The following BAIAP3 variants were observed in gnomAD, a reference collection of about 807,000 sequenced individuals.
The protein encoded by BAIAP3 is BAI1 associated protein 3, also known as BAI1-associated protein 3.
In BAIAP3, 180 loss-of-function variants were observed where a neutral mutation model predicts 149.7. The ratio of observed to expected loss-of-function variants is 1.20; its 90% confidence interval spans 1.07 to 1.36. The LOEUF is 1.36. Among genes scored for constraint, BAIAP3 ranks in the 40% most tolerant of loss-of-function variants. BAIAP3 has a pLI of 0.00. For missense variants in BAIAP3, 1,767 were observed against 1,563.4 expected (o/e 1.13, Z -2.20); for synonymous variants, 845 against 670.7 (o/e 1.26, Z -4.02).
chr16:1,348,649 G>A lies in BAIAP3; in HGVS notation c.*167G>A. 1 of 690,718 alleles carries A rather than the reference G, an allele frequency of 1.4e-6. No individual in the cohort carries two copies. Among genetic ancestry groups the A allele is most frequent in the Admixed American group, 2.5e-5 (1 of 39,288 alleles). The allele number at this position is 690,718 out of a possible 1,614,324, so 42.8% of individuals were successfully genotyped here. On this transcript the variant is annotated 3_prime_UTR_variant, in exon 34 of 34. Transcript: ENST00000426824. ...GGCGCCTACCGCCCTGGCCGTGTCTGTCTGGTGTGTGCTGTGAACCCCTGC... is the reference window on the plus strand; with the variant it reads ...GGCGCCTACCGCCCTGGCCGTGTCTATCTGGTGTGTGCTGTGAACCCCTGC...
rs149313988 is a variant in BAIAP3 at position 1,342,953 on chromosome 16, C to T, written c.1202C>T (p.Ala401Val). Residue 401 changes from alanine to valine, a missense_variant, in exon 14 of 34, where the codon GCC becomes GTC. By Grantham distance (64) the Ala-to-Val change is moderately conservative (BLOSUM62 0). Coordinates refer to ENST00000426824, the MANE Select transcript of BAIAP3 (RefSeq NM_001199097.2). ...SSWRGELSTP[A>V]ATILCLHGAQ... The stretch of plus-strand genomic sequence containing the variant: ...TGGCGAGGAGAGCTCAGCACACCAG[C>T]CGCCACCATCCTCTGCCTGCACGGA... 5.0e-6 allele frequency: 8 copies of T among 1,612,002 alleles called. No individual in the cohort carries two copies. In the African/African-American group the frequency reaches 9.3e-5, roughly 19 times the overall value.
intron 1 of BAIAP3, among the ~76,000 whole-genome samples, chr16:1,334,273 G>T (rs564042412): frequency 1.2e-4 from 18 of 152,030 alleles, no homozygotes; most frequent in Admixed American, 1.0e-3. Flanking sequence ...GCCCCACTCG[G>T]CAAAGGGCTG....
At chr16:1,344,344 G>A (rs375924108) in intron 17 of BAIAP3, 27 bp downstream of exon 17, 83 of 1,613,074 alleles carry the variant, frequency 5.1e-5, no homozygotes, top group Non-Finnish European at 5.8e-5. Context: ...AGTGGAGGCC[G>A]GCTGCTAAGC....
intron 14 of BAIAP3, 174 bp from the exon 15 acceptor site, chr16:1,343,219 G>C (rs763166726): frequency 8.7e-7 from 1 of 1,155,544 alleles, no homozygotes; most frequent in Non-Finnish European, 1.2e-6. Flanking sequence ...AAGGGGCGGT[G>C]CCATGAGTAG....
rs745523128 is a variant in BAIAP3 at position 1,342,980 on chromosome 16, C to T, written c.1229C>T (p.Ala410Val). 3.1e-6 allele frequency: 5 copies of T among 1,611,342 alleles called. No individual in the cohort carries two copies. Among genetic ancestry groups the T allele is most frequent in the East Asian group, 2.2e-5 (1 of 44,876 alleles). Reference protein sequence around the residue: ...PAATILCLHGAQSNLSPLQLA... With the variant: ...PAATILCLHGVQSNLSPLQLA... ...GCCACCATCCTCTGCCTGCACGGAG[C>T]CCAGAGCAACCTGTCACCCTTGCAG... Residue 410 changes from alanine (A) to valine (V), a missense_variant, in exon 14 of 34, where the codon GCC (alanine) becomes GTC (valine). Coordinates refer to ENST00000426824, the MANE Select transcript of BAIAP3 (RefSeq NM_001199097.2).
Position 1,345,997 on chromosome 16 carries a change from G to T in BAIAP3, c.2220G>T (p.Glu740Asp). Residue 740 changes from glutamate to aspartate, a missense_variant, in exon 24 of 34, where the codon GAG becomes GAT. By Grantham distance (45) the Glu-to-Asp change is conservative. Coordinates refer to ENST00000426824, the MANE Select transcript of BAIAP3 (RefSeq NM_001199097.2). ...LGTQLGQDVC[E>D]ATLFYTELLR... ...CATCCCCTCCTCAGGACGTGTGTGA[G>T]GCCACCCTCTTCTATACGGAGCTGC... The T allele has an allele frequency of 6.2e-7, 1 of 1,608,436 alleles. No individual in the cohort carries two copies. The highest frequency in any genetic ancestry group is 8.5e-7 in the Non-Finnish European group (1 of 1,177,658).
At chr16:1,337,684 T>C (rs1307534435) in intron 1 of BAIAP3, among the ~76,000 whole-genome samples, 1 of 152,220 alleles carries the variant, frequency 6.6e-6, no homozygotes, top group African/African-American at 2.4e-5. Flanking sequence ...CTGCTGCTGC[T>C]GCTGCTCCAA....
At chr16:1,336,273 G>A (rs2141558223) in intron 1 of BAIAP3, 2 of 985,422 alleles carry the variant, frequency 2.0e-6, no homozygotes, top group Admixed American at 1.2e-4. Flanking sequence ...TGACTCCCAG[G>A]CCCCTGAGGA....
chr16:1,344,697 A>T lies in BAIAP3; in HGVS notation c.1756A>T (p.Ser586Cys). The change falls in exon 19 of 34, where the codon AGC becomes TGC. Residue 586 changes from serine to cysteine, a missense_variant and splice_region_variant. By Grantham distance (112) the Ser-to-Cys change is moderately radical (BLOSUM62 -1). Coordinates refer to ENST00000426824, the MANE Select transcript of BAIAP3 (RefSeq NM_001199097.2). ...CYSVYASLFH[S>C]ILNVDVFTLT... ...CAGTGTGTACGCCAGCCTCTTCCAC[A>T]GGTGGGCCTGGCCCCTCAGTGCTGT... 6.2e-7 allele frequency: 1 copy of T among 1,613,598 alleles called. No homozygotes were observed. The highest frequency in any genetic ancestry group is 1.3e-5 in the African/African-American group (1 of 75,004).
Position 1,346,344 on chromosome 16 carries a change from G to T in BAIAP3, c.2476G>T (p.Ala826Ser). ...GCAACGGGAGGCCCACACGGTGACA[G>T]CGCACCTGACCTCTAAGGTGGGTGG... ...DLQREAHTVT[A>S]HLTSKMVGDI... Residue 826 changes from alanine (A) to serine (S), a missense_variant, in exon 25 of 34, where the codon GCG (alanine) becomes TCG (serine). Ala to Ser is a moderately conservative substitution (Grantham distance 99). Coordinates refer to ENST00000426824, the MANE Select transcript of BAIAP3 (RefSeq NM_001199097.2). 6.2e-7 allele frequency: 1 copy of T among 1,606,436 alleles called. No homozygotes were observed. The highest frequency in any genetic ancestry group is 2.2e-5 in the East Asian group (1 of 44,666).
In BAIAP3 at chr16:1,348,446, C is replaced by G. The variant is rs1218843058; in HGVS notation, c.3423C>G (p.Leu1141=). 9.3e-6 allele frequency: 15 copies of G among 1,612,442 alleles called. No individual in the cohort carries two copies. The South Asian group carries it at 1.5e-4, about 17-fold the overall frequency. ...AGGCGCAGGAGTTCGTGAAGAAACT[C>G]AAGGAGCTGGAGAAGTGCATGGAGG... is the stretch of plus-strand genomic sequence containing the variant. ...SKEAQEFVKK[L]KELEKCMEAD... The change falls in exon 34 of 34, where the codon CTC becomes CTG. Residue 1141 remains leucine, a synonymous_variant. Coordinates refer to ENST00000426824, the MANE Select transcript of BAIAP3 (RefSeq NM_001199097.2).
intron 22 of BAIAP3, 49 bp from the exon 23 acceptor site, chr16:1,345,698 C>A: frequency 6.4e-6 from 9 of 1,406,788 alleles, no homozygotes; most frequent in Non-Finnish European, 8.6e-6. Context: ...CCCCACCTCC[C>A]CAGCCTCCCC....
At position 1,338,646 on chromosome 16, in the gene BAIAP3, A is replaced by T; in HGVS notation, c.97A>T (p.Ser33Cys). ...GACTGAGCAGGACCCAGGGAGTGCC[A>T]GCGCCGACCCGCAGGAGCCTGCCAC... ...RRTEQDPGSA[S>C]ADPQEPATGA... is the part of the protein sequence containing the mutation. The change falls in exon 2 of 34, where the codon AGC (serine) becomes TGC (cysteine). Residue 33 changes from serine (S) to cysteine (C), a missense_variant. Coordinates refer to ENST00000426824, the MANE Select transcript of BAIAP3 (RefSeq NM_001199097.2). 6.3e-7 allele frequency: 1 copy of T among 1,594,352 alleles called. No homozygotes were observed. Among genetic ancestry groups the T allele is most frequent in the Non-Finnish European group, 8.5e-7 (1 of 1,172,072 alleles).
Position 1,344,999 on chromosome 16 carries a change from G to T in BAIAP3, c.1840G>T (p.Glu614Ter), listed in dbSNP as rs1036114067. The T allele has an allele frequency of 1.2e-6, 2 of 1,612,692 alleles. No homozygotes were observed. Among genetic ancestry groups the T allele is most frequent in the Non-Finnish European group, 1.7e-6 (2 of 1,180,020 alleles). ...TGAGGAGGCGTGGGTGCTGACGGAGGAGCTGAGCCCCAAGATGACCCTGGA... is the reference window on the plus strand; with the variant it reads ...TGAGGAGGCGTGGGTGCTGACGGAGTAGCTGAGCCCCAAGATGACCCTGGA... ...VAEEAWVLTE[E>*]LSPKMTLEVA... Residue 614 changes from glutamate (E) to a stop codon, truncating the protein, a stop_gained, in exon 21 of 34, where the codon GAG becomes TAG. Coordinates refer to ENST00000426824, the MANE Select transcript of BAIAP3 (RefSeq NM_001199097.2). LOFTEE classifies it high-confidence loss of function.
chr16:1,341,410 C>A lies in BAIAP3; in HGVS notation c.652C>A (p.Pro218Thr), dbSNP rs1411600242. Residue 218 changes from proline to threonine, a missense_variant, in exon 8 of 34, where the codon CCC becomes ACC. Transcript: ENST00000426824. The stretch of plus-strand genomic sequence containing the variant: ...CCGCAAGGGCAGCAAGCGCGGTGGA[C>A]CCCTGCCTGCCAAGTGCATCCAGGT... ...GFRKGSKRGG[P>T]LPAKCIQVTE... 1.2e-6 allele frequency: 2 copies of A among 1,612,546 alleles called. No individual in the cohort carries two copies. The highest frequency in any genetic ancestry group is 1.3e-5 in the African/African-American group (1 of 74,950).
chr16:1,341,373 G>C lies in BAIAP3; in HGVS notation c.615G>C (p.Gln205His). ...ATREPRAQKE[Q>H]RFGFRKGSKR... is the part of the protein sequence containing the mutation. ...GGGAGCCCCGTGCACAGAAGGAGCA[G>C]CGCTTCGGCTTCCGCAAGGGCAGCA... is the stretch of plus-strand genomic sequence containing the variant. The change falls in exon 8 of 34, where the codon CAG becomes CAC. Residue 205 changes from glutamine (Q) to histidine (H), a missense_variant. Physicochemically the swap from Gln to His is conservative, Grantham distance 24 (BLOSUM62 0). Coordinates refer to ENST00000426824, the MANE Select transcript of BAIAP3 (RefSeq NM_001199097.2). 1 of 1,612,510 alleles carries C rather than the reference G, an allele frequency of 6.2e-7. No individual in the cohort carries two copies. The highest frequency in any genetic ancestry group is 2.2e-5 in the East Asian group (1 of 44,882).
At position 1,346,159 on chromosome 16, in the gene BAIAP3, ACCT is replaced by A; in HGVS notation, c.2302-5_2302-3del. The stretch of plus-strand genomic sequence containing the variant: ...CCCGGACCCATCGTTGCCTGGCCAC[ACCT>A]CCTCCAGCTCTGCGTGGTCCTCAAC... On this transcript the variant is annotated splice_polypyrimidine_tract_variant and splice_region_variant and intron_variant, in intron 24 of 33. Coordinates refer to ENST00000426824, the MANE Select transcript of BAIAP3 (RefSeq NM_001199097.2). 2 of 1,609,444 alleles carry A rather than the reference ACCT, an allele frequency of 1.2e-6. No homozygotes were observed. Among genetic ancestry groups the A allele is most frequent in the Non-Finnish European group, 1.7e-6 (2 of 1,179,136 alleles).
intron 28 of BAIAP3, 35 bp from the exon 29 acceptor site, chr16:1,347,263 C>G (rs970636938): frequency 1.6e-5 from 26 of 1,603,620 alleles, no homozygotes; most frequent in Non-Finnish European, 2.0e-5. Context: ...ACAAGCCAGG[C>G]TCCCTGACAC....
chr16:1,346,745 G>C, intron 27 of BAIAP3, 61 bp downstream of exon 27: 1 of 1,532,226 alleles, frequency 6.5e-7, no homozygotes, highest in Non-Finnish European at 8.8e-7. Context: ...CCGCCCTGCA[G>C]GGTGCCGGAG....
Sources: gnomAD v4.1 joint callset for allele counts (sites outside exome capture counted in the v4.1 genomes callset) on GRCh38, gnomAD v4.1.1 for gene constraint, MANE v1.5 for transcripts, NCBI Gene and HGNC (gene_info 2026-07-23, HGNC 2026-07-21) for gene names.